The following SCAMP2 variants were observed in gnomAD, a reference collection of about 807,000 sequenced individuals.
SCAMP2 encodes the protein secretory carrier-associated membrane protein 2.
Under a neutral mutation model 44.1 loss-of-function variants are expected in SCAMP2, and 25 were observed. The observed-to-expected ratio is 0.57, with a 90% CI of 0.41 to 0.79. SCAMP2 has a LOEUF of 0.79. Among genes scored for constraint, SCAMP2 ranks in the 30% least tolerant of loss-of-function variants. The pLI is 0.00. For synonymous variants in SCAMP2, 156 were observed against 166.0 expected (o/e 0.94, Z 0.46); for missense variants, 355 against 411.0 (o/e 0.86, Z 1.18).
chr15:74,847,019 T>C (rs1275009437), intron 7 of SCAMP2, among the ~76,000 whole-genome samples: 2 of 151,268 alleles, frequency 1.3e-5, no homozygotes, highest in South Asian at 2.1e-4. Flanking sequence ...CATAGACATA[T>C]AGATCAATAG....
chr15:74,853,849 G>A, intron 3 of SCAMP2, 172 bp downstream of exon 3: 1 of 612,180 alleles, frequency 1.6e-6, no homozygotes. Flanking sequence ...GATATTAATT[G>A]GCAGAGCAGC....
At chr15:74,851,325 G>C (rs1394260348) in intron 5 of SCAMP2, 28 bp downstream of exon 5, 1 of 1,609,614 alleles carries the variant, frequency 6.2e-7, no homozygotes. Flanking sequence ...ATTCGCCCTT[G>C]CGCTTGGAAG....
intron 1 of SCAMP2, 66 bp from the exon 2 acceptor site, chr15:74,854,715 GC>G (rs1463862585): frequency 5.7e-6 from 8 of 1,396,958 alleles, no homozygotes; most frequent in Non-Finnish European, 7.9e-6. Flanking sequence ...CGGCAGGCGA[GC>G]CGGTGACGCC....
At chr15:74,860,108 T>C (rs1050457322) in intron 1 of SCAMP2, among the ~76,000 whole-genome samples, 3 of 151,752 alleles carry the variant, frequency 2.0e-5, no homozygotes, top group Middle Eastern at 3.2e-3. Flanking sequence ...TTTTTCATAG[T>C]AAAAATAAAA....
chr15:74,849,926 A>AG (rs2064424569), intron 6 of SCAMP2, among the ~76,000 whole-genome samples: 1 of 152,208 alleles, frequency 6.6e-6, no homozygotes, highest in South Asian at 2.1e-4. Context: ...GTGAGGGTTC[A>AG]GGGCCTCCAG....
chr15:74,868,898 G>A (rs888188758), intron 1 of SCAMP2, among the ~76,000 whole-genome samples: 2 of 152,200 alleles, frequency 1.3e-5, no homozygotes, highest in East Asian at 1.9e-4. Flanking sequence ...GCTCACGCCT[G>A]TAATCCTAGC....
chr15:74,845,062 G>T lies in SCAMP2; in HGVS notation c.*21C>A, dbSNP rs377313221. 2.5e-6 allele frequency: 4 copies of T among 1,606,822 alleles called. No individual in the cohort carries two copies. The highest frequency in any genetic ancestry group is 2.7e-5 in the African/African-American group (2 of 74,762). ...AGAAGGCAGGCGAGAGAAAGGCTGAGGGGGAGAGAAGAGAGGAGGACTAAT... is the reference window on the plus strand; with the variant it reads ...AGAAGGCAGGCGAGAGAAAGGCTGATGGGGAGAGAAGAGAGGAGGACTAAT... On this transcript the variant is annotated 3_prime_UTR_variant, in exon 9 of 9. Coordinates refer to ENST00000268099, the MANE Select transcript of SCAMP2 (RefSeq NM_005697.5).
At chr15:74,853,317 G>A (rs945139444) in intron 3 of SCAMP2, 9 of 435,294 alleles carry the variant, frequency 2.1e-5, no homozygotes, top group African/African-American at 1.4e-4. Flanking sequence ...GGGGTGTGGG[G>A]CAGGCTCCGG....
chr15:74,871,363 G>A (rs1411719115), intron 1 of SCAMP2, among the ~76,000 whole-genome samples: 5 of 150,622 alleles, frequency 3.3e-5, no homozygotes, highest in African/African-American at 4.8e-5. Context: ...AGACTGAGGT[G>A]GGATTCAAAT....
At chr15:74,858,622 G>A (rs1364501083) in intron 1 of SCAMP2, among the ~76,000 whole-genome samples, 1 of 151,994 alleles carries the variant, frequency 6.6e-6, no homozygotes, top group Non-Finnish European at 1.5e-5. Context: ...ATCCAAGTCT[G>A]TCTCCAGGGA....
chr15:74,862,278 A>AAG (rs2064511208), intron 1 of SCAMP2, among the ~76,000 whole-genome samples: 1 of 131,072 alleles, frequency 7.6e-6, no homozygotes, highest in Non-Finnish European at 1.5e-5. Flanking sequence ...AAAAAAAAAA[A>AAG]AAAAAAAAAA....
intron 4 of SCAMP2, chr15:74,851,760 A>G (rs903991926): frequency 4.1e-6 from 2 of 485,240 alleles, no homozygotes; most frequent in Admixed American, 3.6e-5. Flanking sequence ...CAAGCAGCCC[A>G]TAAGTGTGAG....
At chr15:74,848,414 AG>A in intron 7 of SCAMP2, 185 bp downstream of exon 7, 1 of 501,384 alleles carries the variant, frequency 2.0e-6, no homozygotes, top group Non-Finnish European at 3.5e-6. Flanking sequence ...AGAAAAAAAA[AG>A]TGAGTGGCTA....
chr15:74,859,942 A>C (rs1284583386), intron 1 of SCAMP2, among the ~76,000 whole-genome samples: 1 of 152,074 alleles, frequency 6.6e-6, no homozygotes, highest in East Asian at 1.9e-4. Flanking sequence ...AAACACATTA[A>C]ATAAATATCT....
At chr15:74,866,881 C>T (rs2064547754) in intron 1 of SCAMP2, among the ~76,000 whole-genome samples, 1 of 151,790 alleles carries the variant, frequency 6.6e-6, no homozygotes, top group South Asian at 2.1e-4. Flanking sequence ...GCTGCAACCT[C>T]CGCCTCCCGG....
chr15:74,857,874 G>A (rs903281102), intron 1 of SCAMP2, among the ~76,000 whole-genome samples: 11 of 152,180 alleles, frequency 7.2e-5, no homozygotes, highest in Admixed American at 3.9e-4. Context: ...AGGGCCTATG[G>A]CAGCACAGCA....
At chr15:74,858,261 G>A (rs2141176440) in intron 1 of SCAMP2, among the ~76,000 whole-genome samples, 1 of 152,274 alleles carries the variant, frequency 6.6e-6, no homozygotes, top group East Asian at 1.9e-4. Flanking sequence ...ACTGTGTCGA[G>A]TTGTCAGAAA....
intron 1 of SCAMP2, among the ~76,000 whole-genome samples, chr15:74,866,659 C>A (rs2064546135): frequency 6.6e-6 from 1 of 152,170 alleles, no homozygotes; most frequent in African/African-American, 2.4e-5. Context: ...TCCCATCTGC[C>A]AGGCTTTCTG....
At chr15:74,851,265 T>C (rs755733995) in intron 5 of SCAMP2, 88 bp downstream of exon 5, 144 of 1,469,136 alleles carry the variant, frequency 9.8e-5, no homozygotes, top group Non-Finnish European at 1.3e-4. Context: ...AAAGCCTGTA[T>C]ACCAGGGAGG....
Sources: allele counts gnomAD v4.1 joint callset (sites outside exome capture counted in the v4.1 genomes callset), GRCh38; gene constraint gnomAD v4.1.1; transcripts MANE v1.5; gene names NCBI Gene and HGNC (gene_info 2026-07-23, HGNC 2026-07-21).